Variants in FBXL19 observed in about 807,000 individuals in gnomAD.
FBXL19 encodes F-box and leucine rich repeat protein 19.
In FBXL19, 16 loss-of-function variants were observed where a neutral mutation model predicts 71.2. The observed-to-expected ratio is 0.22, with a 90% CI of 0.15 to 0.34. The LOEUF is 0.34. Among genes scored for constraint, FBXL19 ranks in the 10% least tolerant of loss-of-function variants. The probability of loss-of-function intolerance (pLI) is 1.00; values close to 1 mark genes in which losing one functional copy is unlikely to be tolerated. For synonymous variants in FBXL19, 447 were observed against 409.4 expected (o/e 1.09, Z -1.11); for missense variants, 658 against 968.2 (o/e 0.68, Z 4.25).
In FBXL19 at chr16:30,923,913, C is replaced by T. The variant is rs1384429213; in HGVS notation, c.-571C>T. 1.0e-4 allele frequency among the ~76,000 whole-genome samples: 15 copies of T among 143,032 alleles called. No homozygotes were observed. Among genetic ancestry groups the T allele is most frequent in the African/African-American group, 3.4e-4 (13 of 38,402 alleles). The allele number at this position is 143,032 out of a possible 152,430, so 93.8% of individuals were successfully genotyped here. A position where few individuals can be genotyped will look rare whatever the true frequency, so the allele number is the denominator to read the frequency against. On this transcript the variant is annotated 5_prime_UTR_variant, in exon 1 of 11. Coordinates refer to ENST00000338343, the MANE Select transcript of FBXL19 (RefSeq NM_001382779.1). ...AGGGCAGGGGGTCGCAGTCCAGGGG[C>T]GGGCCCAGGGGAGGGGGGCAGGTTA...
Position 30,928,512 on chromosome 16 carries a change from G to A in FBXL19, c.673G>A (p.Ala225Thr), listed in dbSNP as rs765229438. The change falls in exon 6 of 11, where the codon GCC becomes ACC. Residue 225 changes from alanine (A) to threonine (T), a missense_variant. Ala to Thr is a moderately conservative substitution (Grantham distance 58, BLOSUM62 0). Around this residue, in one of 8 missense-constraint regions of FBXL19, gnomAD observed 447 missense variants for 515.4 expected, o/e 0.87. Coordinates refer to ENST00000338343, the MANE Select transcript of FBXL19 (RefSeq NM_001382779.1). ...ERHLKKVGGD[A>T]CLLRGSDPGG... is the part of the protein sequence containing the mutation. Reference sequence around the variant, plus strand: ...GCACCTGAAGAAGGTGGGTGGAGACGCCTGCCTCCTCCGAGGATCGGACCC... The same window carrying A: ...GCACCTGAAGAAGGTGGGTGGAGACACCTGCCTCCTCCGAGGATCGGACCC... 15 of 1,605,392 alleles carry A rather than the reference G, an allele frequency of 9.3e-6. No individual in the cohort carries two copies. Among genetic ancestry groups the A allele is most frequent in the East Asian group, 2.3e-5 (1 of 43,800 alleles).
At chr16:30,939,051 G>A (rs1267370880) in intron 7 of FBXL19, among the ~76,000 whole-genome samples, 2 of 151,852 alleles carry the variant, frequency 1.3e-5, no homozygotes, top group Non-Finnish European at 2.9e-5. Context: ...TAATAACTCT[G>A]GTCTTTTTTG....
intron 9 of FBXL19, among the ~76,000 whole-genome samples, chr16:30,943,367 A>ATTTTTTTTTTTTTTTTTT: frequency 1.5e-5 from 1 of 67,584 alleles, no homozygotes; most frequent in Non-Finnish European, 2.8e-5. Flanking sequence ...TTTTTTTGTA[A>ATTTTTTTTTTTTTTTTTT]TTTTTTTTTT....
chr16:30,923,176 G>T, upstream of FBXL19: 1 of 456,656 alleles, frequency 2.2e-6, no homozygotes, highest in African/African-American at 2.0e-5. Context: ...GGAGGGTTGT[G>T]GACAGGAGGG....
rs1236214269 is a variant in FBXL19 at position 30,947,398 on chromosome 16, C to T, written c.*168C>T. The T allele has an allele frequency of 8.3e-6, 5 of 604,794 alleles. No homozygotes were observed. The highest frequency in any genetic ancestry group is 2.8e-5 in the East Asian group (1 of 36,188). 37.5% of individuals were successfully genotyped at this position (604,794 alleles called of 1,614,324 possible). A position where few individuals can be genotyped will look rare whatever the true frequency, so the allele number is the denominator to read the frequency against. ...AAGCCAGCCACCCCCTTCTTTCCCCCCTGCACTGATATCTCTGGGGGTTTC... is the reference window on the plus strand; with the variant it reads ...AAGCCAGCCACCCCCTTCTTTCCCCTCTGCACTGATATCTCTGGGGGTTTC... On this transcript the variant is annotated 3_prime_UTR_variant, in exon 11 of 11. Coordinates refer to ENST00000338343, the MANE Select transcript of FBXL19 (RefSeq NM_001382779.1).
Position 30,925,715 on chromosome 16 carries a change from C to A in FBXL19, c.-24-16C>A. On this transcript the variant is annotated splice_polypyrimidine_tract_variant and intron_variant, in intron 1 of 10. Transcript: ENST00000338343. The surrounding 1 kb of genome is among the most constrained non-coding windows in gnomAD (Gnocchi z 5.0). ...CCCCAGTGGGCCCATCTGACCCTGC[C>A]ACCATCCACCTACAGCCCTCGGCGT... 6.7e-7 allele frequency: 1 copy of A among 1,491,012 alleles called. No individual in the cohort carries two copies. The highest frequency in any genetic ancestry group is 1.3e-5 in the South Asian group (1 of 77,004). The allele number at this position is 1,491,012 out of a possible 1,614,324, so 92.4% of individuals were successfully genotyped here.
chr16:30,944,927 T>C (rs2143392152), intron 9 of FBXL19, among the ~76,000 whole-genome samples: 1 of 152,200 alleles, frequency 6.6e-6, no homozygotes, highest in South Asian at 2.1e-4. Context: ...AAGTGATGCA[T>C]TGGTGTAGGA....
rs2055580585 is a variant in FBXL19, at chr16:30,925,513, C to T, written c.-24-218C>T. On this transcript the variant is annotated intron_variant, in intron 1 of 10. Transcript: ENST00000338343. This position sits in a 1 kb window ranked among gnomAD's most constrained non-coding sequence, Gnocchi z 5.0. ...GGACCCTGAGGAGGCGGTAGAGGAG[C>T]GAGGCCAGGAAGCAGTTCTTGGGCT... 4 of 452,560 alleles carry T rather than the reference C, an allele frequency of 8.8e-6. No homozygotes were observed. The highest frequency in any genetic ancestry group is 1.2e-3 in the Middle Eastern group (2 of 1,656). The allele number at this position is 452,560 out of a possible 1,614,324, so 28.0% of individuals were successfully genotyped here.
chr16:30,947,119 C>T lies in FBXL19; in HGVS notation c.1914C>T (p.Asp638=). Residue 638 remains aspartate, a synonymous_variant, in exon 11 of 11, where the codon GAC becomes GAT. Transcript: ENST00000338343. ...FRRCPRLRRL[D]LRSCRQLSPE... The stretch of plus-strand genomic sequence containing the variant: ...GCTGCCCTCGTCTACGCCGCCTAGA[C>T]CTGCGCTCCTGCCGCCAGCTCTCAC... 6.3e-7 allele frequency: 1 copy of T among 1,599,502 alleles called. No homozygotes were observed. The highest frequency in any genetic ancestry group is 8.5e-7 in the Non-Finnish European group (1 of 1,178,896).
rs1208818723 is a variant in FBXL19 at position 30,925,790 on chromosome 16, G to A, written c.36G>A (p.Ala12=). 4.0e-6 allele frequency: 6 copies of A among 1,490,654 alleles called. No homozygotes were observed. Among genetic ancestry groups the A allele is most frequent in the Admixed American group, 2.6e-5 (1 of 38,786 alleles). 92.3% of individuals were successfully genotyped at this position (1,490,654 alleles called of 1,614,324 possible). Residue 12 remains alanine, a synonymous_variant, in exon 2 of 11, where the codon GCG becomes GCA. Coordinates refer to ENST00000338343, the MANE Select transcript of FBXL19 (RefSeq NM_001382779.1). The surrounding 1 kb of genome is among the most constrained non-coding windows in gnomAD (Gnocchi z 5.0). ...SSSSRGPGAG[A]RRRRTRCRRC... ...GCAGCCGGGGGCCGGGGGCCGGAGC[G>A]CGCCGACGCCGAACCCGCTGCCGCC...
At chr16:30,937,956 C>T (rs748507323) in intron 7 of FBXL19, among the ~76,000 whole-genome samples, 1 of 152,036 alleles carries the variant, frequency 6.6e-6, no homozygotes, top group Non-Finnish European at 1.5e-5. Flanking sequence ...CAGATGTCAC[C>T]GATTTTCTTG....
At chr16:30,924,519 C>T (rs528215692) in intron 1 of FBXL19, 60 bp downstream of exon 1, 37 of 996,566 alleles carry the variant, frequency 3.7e-5, no homozygotes, top group Admixed American at 8.5e-5. Context: ...CCCATTCATC[C>T]TCAGCCCGGC....
At chr16:30,937,957 G>A (rs1328893297) in intron 7 of FBXL19, among the ~76,000 whole-genome samples, 3 of 152,122 alleles carry the variant, frequency 2.0e-5, no homozygotes, top group African/African-American at 4.8e-5. Flanking sequence ...AGATGTCACC[G>A]ATTTTCTTGC....
chr16:30,936,095 C>T (rs149230235), intron 7 of FBXL19, among the ~76,000 whole-genome samples: 13 of 152,302 alleles, frequency 8.5e-5, no homozygotes, highest in Middle Eastern at 3.4e-3. Context: ...CTGAAGGAAG[C>T]GCTGTTCTTC....
chr16:30,935,782 C>T (rs974736419), intron 7 of FBXL19, among the ~76,000 whole-genome samples: 1 of 152,034 alleles, frequency 6.6e-6, no homozygotes, highest in Admixed American at 6.6e-5. Context: ...GTTTGCAGGT[C>T]GGCCTAGTAG....
intron 7 of FBXL19, among the ~76,000 whole-genome samples, chr16:30,936,435 A>AT (rs1174123411): frequency 0.016 from 2,094 of 131,452 alleles, 56 homozygotes; most frequent in African/African-American, 0.042. Context: ...TCTGGGCCTC[A>AT]TTTTTTTTTT....
At chr16:30,935,779 G>C (rs752394730) in intron 7 of FBXL19, among the ~76,000 whole-genome samples, 1 of 152,140 alleles carries the variant, frequency 6.6e-6, no homozygotes, top group Non-Finnish European at 1.5e-5. Flanking sequence ...AGGGTTTGCA[G>C]GTCGGCCTAG....
chr16:30,943,488 C>T (rs1177978279), intron 9 of FBXL19, among the ~76,000 whole-genome samples: 2 of 151,288 alleles, frequency 1.3e-5, no homozygotes, highest in Non-Finnish European at 2.9e-5. Context: ...CATTCTCCTG[C>T]CTCAGCCTCC....
intron 7 of FBXL19, among the ~76,000 whole-genome samples, chr16:30,935,913 C>T (rs1424374722): frequency 1.3e-5 from 2 of 152,112 alleles, no homozygotes; most frequent in African/African-American, 4.8e-5. Flanking sequence ...CTTTCCCTGC[C>T]TCTTGTCTCA....
Sources: gnomAD v4.1 joint callset for allele counts (sites outside exome capture counted in the v4.1 genomes callset) on GRCh38, gnomAD v4.1.1 for gene constraint, gnomAD v4.1.1 regional missense constraint, Gnocchi (gnomAD v3.1) non-coding constraint, MANE v1.5 for transcripts, NCBI Gene and HGNC (gene_info 2026-07-23, HGNC 2026-07-21) for gene names.